TTN: variants seen among roughly 807,000 people sequenced by gnomAD.
TTN encodes connectin.
TTN carries 1,525 observed loss-of-function variants against 3,223.0 expected under a neutral mutation model. The ratio of observed to expected loss-of-function variants is 0.47; its 90% CI spans 0.45 to 0.49. The LOEUF is 0.49. Among genes scored for constraint, TTN ranks in the 20% least tolerant of loss-of-function variants. TTN has a pLI of 0.00. For synonymous variants in TTN, 14,094 were observed against 15,161.0 expected, an observed-to-expected ratio of 0.93 and a Z score of 5.17; for missense variants, 40,786 against 43,424.0, an observed-to-expected ratio of 0.94 and a Z score of 5.40.
rs190021597 is a variant in TTN, at chr2:178,612,777, C to T, written c.49944G>A (p.Lys16648=). 96 of 1,608,544 alleles carry T rather than the reference C, an allele frequency of 6.0e-5. No homozygotes were observed. In the African/African-American group the frequency reaches 1.2e-3, roughly 20 times the overall value. Reference sequence around the variant, plus strand: ...CAGACATCAAGAGTGACTTACATAGCTTCTCCCGGCAAAGCACAGGGTCAC... The same window carrying T: ...CAGACATCAAGAGTGACTTACATAGTTTCTCCCGGCAAAGCACAGGGTCAC... ...EPSDPVLCRE[K]LYPPSPPRWL... is the part of the protein sequence containing the mutation. Residue 16648 remains lysine, a synonymous_variant, in exon 265 of 363, where the codon AAG becomes AAA. Coordinates refer to ENST00000589042, the MANE Select transcript of TTN (RefSeq NM_001267550.2).
chr2:178,733,146 A>G, intron 54 of TTN, 25 bp from the exon 55 acceptor site: 5 of 1,567,498 alleles, frequency 3.2e-6, no homozygotes, highest in Non-Finnish European at 4.3e-6. Context: ...AGAAGGGAGA[A>G]AAGGTCAATA....
At chr2:178,747,791 G>C (rs756558981) in intron 47 of TTN, 2 of 1,612,232 alleles carry the variant, frequency 1.2e-6, no homozygotes, top group African/African-American at 2.7e-5. Flanking sequence ...AGTGGAGAAA[G>C]AAGCTTCATT....
chr2:178,647,824 C>T (rs2062256861), intron 213 of TTN, among the ~76,000 whole-genome samples: 1 of 152,148 alleles, frequency 6.6e-6, no homozygotes, highest in Non-Finnish European at 1.5e-5. Context: ...CTGATACACA[C>T]TCCCAACTTT....
In TTN at chr2:178,784,308, A is replaced by T; in HGVS notation, c.2537T>A (p.Leu846Ter). Residue 846 changes from leucine (L) to a stop codon, truncating the protein, a stop_gained, in exon 16 of 363, where the codon TTG becomes TAG. Coordinates refer to ENST00000589042, the MANE Select transcript of TTN (RefSeq NM_001267550.2). LOFTEE classifies it high-confidence loss of function. ...GSAIATLQKE[L>*]SATSSAQKIT... ...CTTCTGAGCAGAAGATGTGGCTGAC[A>T]ACTCTTTTTGTAATGTGGCAATAGC... The T allele has an allele frequency of 6.2e-7, 1 of 1,614,144 alleles. No individual in the cohort carries two copies. Among genetic ancestry groups the T allele is most frequent in the African/African-American group, 1.3e-5 (1 of 75,048 alleles).
intron 316 of TTN, among the ~76,000 whole-genome samples, chr2:178,581,110 T>C (rs569289787): frequency 6.6e-6 from 1 of 152,152 alleles, no homozygotes; most frequent in East Asian, 1.9e-4. Flanking sequence ...GAAATTAAGA[T>C]GGAGAGCCCA....
intron 38 of TTN, 53 bp downstream of exon 38, chr2:178,768,620 T>C: frequency 4.3e-6 from 7 of 1,611,976 alleles, no homozygotes; most frequent in Non-Finnish European, 5.9e-6. Context: ...CACTAAATTT[T>C]ATAAAGCATG....
chr2:178,789,143 G>T (rs2093358224), intron 13 of TTN, among the ~76,000 whole-genome samples: 1 of 152,104 alleles, frequency 6.6e-6, no homozygotes, highest in African/African-American at 2.4e-5. Context: ...ATGGTGAAGA[G>T]ATAAGTGGAG....
At position 178,540,368 on chromosome 2, in the gene TTN, G is replaced by C; in HGVS notation, c.97798C>G (p.Pro32600Ala). 1 of 1,610,390 alleles carries C rather than the reference G, an allele frequency of 6.2e-7. No homozygotes were observed. The highest frequency in any genetic ancestry group is 8.5e-7 in the Non-Finnish European group (1 of 1,177,850). The change falls in exon 351 of 363, where the codon CCT becomes GCT. Residue 32600 changes from proline to alanine, a missense_variant and splice_region_variant. Transcript: ENST00000589042. ...CTTGGGTTTTGTGGCTTTCCTGGAG[G>C]AGCTGAGAATAAGAATAAGAATATA... The part of the protein sequence containing the change: ...KPIVAMDPIA[P>A]PGKPQNPRVT...
rs370080086 is a variant in TTN, at chr2:178,589,044, C to T, written c.62681G>A (p.Cys20894Tyr). The change falls in exon 304 of 363, where the codon TGT (cysteine) becomes TAT (tyrosine). Residue 20894 changes from cysteine (C) to tyrosine (Y), a missense_variant. Physicochemically the swap from Cys to Tyr is radical, Grantham distance 194 (BLOSUM62 -2). Coordinates refer to ENST00000589042, the MANE Select transcript of TTN (RefSeq NM_001267550.2). The part of the protein sequence containing the change: ...CWDPPEDDGG[C>Y]EIQNYILEKC... ...TTCTAGAATATAATTTTGGATTTCA[C>T]AGCCACCATCATCTTCTGGTGGATC... 6.2e-7 allele frequency: 1 copy of T among 1,609,200 alleles called. No homozygotes were observed. Among genetic ancestry groups the T allele is most frequent in the African/African-American group, 1.3e-5 (1 of 74,888 alleles).
Position 178,567,347 on chromosome 2 carries a change from C to A in TTN, c.78785G>T (p.Gly26262Val). ...IVKDAIRIDG[G>V]QYILRASNVA... Reference sequence around the variant, plus strand: ...ATTGGAAGCTCTTAAAATATACTGCCCACCATCAATTCTAATTGCATCTTT... The same window carrying A: ...ATTGGAAGCTCTTAAAATATACTGCACACCATCAATTCTAATTGCATCTTT... The change falls in exon 326 of 363, where the codon GGG becomes GTG. Residue 26262 changes from glycine (G) to valine (V), a missense_variant. Transcript: ENST00000589042. The A allele has an allele frequency of 6.3e-7, 1 of 1,598,636 alleles. No homozygotes were observed. Among genetic ancestry groups the A allele is most frequent in the Non-Finnish European group, 8.5e-7 (1 of 1,174,328 alleles).
At position 178,607,430 on chromosome 2, in the gene TTN, T is replaced by C; in HGVS notation, c.53258A>G (p.Lys17753Arg). Residue 17753 changes from lysine to arginine, a missense_variant, in exon 277 of 363, where the codon AAA (lysine) becomes AGA (arginine). Physicochemically the swap from Lys to Arg is conservative, Grantham distance 26 (BLOSUM62 2). Transcript: ENST00000589042. ...VITATNSCGS[K>R]FAAARVEVFD... Reference sequence around the variant, plus strand: ...AACTTCTACCCTGGCTGCTGCAAATTTGGAACCACAGCTATTTGTAGCTGT... The same window carrying C: ...AACTTCTACCCTGGCTGCTGCAAATCTGGAACCACAGCTATTTGTAGCTGT... 6.2e-7 allele frequency: 1 copy of C among 1,613,158 alleles called. No homozygotes were observed. Among genetic ancestry groups the C allele is most frequent in the African/African-American group, 1.3e-5 (1 of 74,992 alleles).
Position 178,732,961 on chromosome 2 carries a change from T to C in TTN, c.16215A>G (p.Ile5405Met). 6.2e-7 allele frequency: 1 copy of C among 1,613,646 alleles called. No homozygotes were observed. The highest frequency in any genetic ancestry group is 8.5e-7 in the Non-Finnish European group (1 of 1,179,752). ...AAGAGGCTGTGCCTTCCACAAATGC[T>C]ATCCTGTATCTGTCAGAAGCAGCTA... ...KEIAASDRYRIAFVEGTASLE... is the reference protein window; with the variant it reads ...KEIAASDRYRMAFVEGTASLE... The change falls in exon 55 of 363, where the codon ATA (isoleucine) becomes ATG (methionine). Residue 5405 changes from isoleucine (I) to methionine (M), a missense_variant. Coordinates refer to ENST00000589042, the MANE Select transcript of TTN (RefSeq NM_001267550.2).
intron 209 of TTN, 94 bp downstream of exon 209, chr2:178,650,657 C>T: frequency 3.4e-6 from 4 of 1,187,800 alleles, no homozygotes; most frequent in Non-Finnish European, 4.7e-6. Flanking sequence ...TAGAAAATGA[C>T]CAAGAAATAA....
rs756689912 is a variant in TTN at position 178,605,702 on chromosome 2, A to T, written c.53593T>A (p.Ser17865Thr). Residue 17865 changes from serine to threonine, a missense_variant, in exon 279 of 363, where the codon TCT becomes ACT. Ser to Thr is a moderately conservative substitution (Grantham distance 58). Transcript: ENST00000589042. ...LAVDPLGPPT[S>T]PERLTYTERT... The stretch of plus-strand genomic sequence containing the variant: ...TCAGTGTATGTGAGCCTCTCTGGAG[A>T]TGTTGGAGGACCTTTAGCCAGAGGC... The T allele has an allele frequency of 1.0e-5, 16 of 1,537,246 alleles. No individual in the cohort carries two copies. Among genetic ancestry groups the T allele is most frequent in the Non-Finnish European group, 1.4e-5 (16 of 1,139,040 alleles).
In TTN at chr2:178,557,793, T is replaced by G; in HGVS notation, c.87561A>C (p.Glu29187Asp). 1 of 1,613,982 alleles carries G rather than the reference T, an allele frequency of 6.2e-7. No homozygotes were observed. Among genetic ancestry groups the G allele is most frequent in the Non-Finnish European group, 8.5e-7 (1 of 1,179,848 alleles). Residue 29187 changes from glutamate (E) to aspartate (D), a missense_variant, in exon 328 of 363, where the codon GAA (glutamate) becomes GAC (aspartate). By Grantham distance (45) the Glu-to-Asp change is conservative. Coordinates refer to ENST00000589042, the MANE Select transcript of TTN (RefSeq NM_001267550.2). ...KRETSTAVWT[E>D]VSATVARTMM... ...TGGTTCTTGCAACTGTTGCAGACACTTCAGTCCACACTGCAGTACTTGTTT... is the reference window on the plus strand; with the variant it reads ...TGGTTCTTGCAACTGTTGCAGACACGTCAGTCCACACTGCAGTACTTGTTT...
intron 154 of TTN, 23 bp from the exon 155 acceptor site, chr2:178,672,290 A>T: frequency 6.2e-7 from 1 of 1,600,302 alleles, no homozygotes; most frequent in Non-Finnish European, 8.5e-7. Context: ...CTATTTTAAG[A>T]CTTATTTTTT....
At position 178,574,642 on chromosome 2, in the gene TTN, A is replaced by G. The variant is rs1709431886; in HGVS notation, c.71490T>C (p.Pro23830=). ...TAACTGCAGTTACCTGAGGGGTACC[A>G]GGAGGTCCAGGAACCTTAAATGGAT... ...ANYPFKVPGP[P]GTPQVTAVTK... is the part of the protein sequence containing the mutation. Residue 23830 remains proline, a synonymous_variant, in exon 326 of 363, where the codon CCT becomes CCC. Transcript: ENST00000589042. 3 of 1,613,056 alleles carry G rather than the reference A, an allele frequency of 1.9e-6. No individual in the cohort carries two copies. Among genetic ancestry groups the G allele is most frequent in the Non-Finnish European group, 2.5e-6 (3 of 1,179,424 alleles).
chr2:178,794,320 A>C, intron 8 of TTN, 79 bp downstream of exon 8: 1 of 1,592,730 alleles, frequency 6.3e-7, no homozygotes, highest in Non-Finnish European at 8.6e-7. Flanking sequence ...CTGCATGCCA[A>C]GCTCAGTGGA....
intron 114 of TTN, among the ~76,000 whole-genome samples, 172 bp downstream of exon 114, chr2:178,695,693 A>T (rs1273207659): frequency 6.6e-6 from 1 of 152,062 alleles, no homozygotes; most frequent in Non-Finnish European, 1.5e-5. Context: ...ATGTCAAAGC[A>T]TGAAAGTAAC....
Sources: gnomAD v4.1 joint callset for allele counts (sites outside exome capture counted in the v4.1 genomes callset) on GRCh38, gnomAD v4.1.1 for gene constraint, MANE v1.5 for transcripts, NCBI Gene and HGNC (gene_info 2026-07-23, HGNC 2026-07-21) for gene names.